PIGK: variants seen among roughly 807,000 people sequenced by gnomAD.
The protein encoded by PIGK is GPI-anchor transamidase.
In PIGK, 42 loss-of-function variants were observed where a neutral mutation model predicts 50.6. The ratio of observed to expected loss-of-function variants is 0.83; its 90% CI spans 0.65 to 1.07. The LOEUF is 1.07. PIGK is among the 50% of genes least tolerant of loss of function. The pLI is 0.00. For synonymous variants in PIGK, 151 were observed against 156.0 expected, an observed-to-expected ratio of 0.97 and a Z score of 0.24; for missense variants, 448 against 488.7, an observed-to-expected ratio of 0.92 and a Z score of 0.78.
intron 9 of PIGK, among the ~76,000 whole-genome samples, chr1:77,149,959 C>T (rs1034066867): frequency 6.7e-6 from 1 of 150,086 alleles, no homozygotes; most frequent in Non-Finnish European, 1.5e-5. Context: ...GAAAACTATA[C>T]AAATACATGG....
chr1:77,181,498 T>C (rs1359383058), intron 3 of PIGK, among the ~76,000 whole-genome samples: 1 of 152,166 alleles, frequency 6.6e-6, no homozygotes, highest in Non-Finnish European at 1.5e-5. Flanking sequence ...AAAAATGTTA[T>C]ATATAATAAT....
intron 6 of PIGK, 77 bp from the exon 7 acceptor site, chr1:77,161,788 A>G: frequency 1.4e-6 from 1 of 732,626 alleles, no homozygotes; most frequent in Non-Finnish European, 2.5e-6. Flanking sequence ...ATACTTTTGT[A>G]AGATGTTTAA....
intron 9 of PIGK, among the ~76,000 whole-genome samples, chr1:77,130,183 C>T (rs1414975873): frequency 2.3e-5 from 3 of 128,482 alleles, no homozygotes; most frequent in Admixed American, 8.0e-5. Context: ...ACTTTGTTTG[C>T]ATTGTCTTTT....
In PIGK at chr1:77,219,324, C is replaced by A. The variant is rs149699790; in HGVS notation, c.79G>T (p.Ala27Ser). The change falls in exon 1 of 11, where the codon GCT becomes TCT. Residue 27 changes from alanine (A) to serine (S), a missense_variant. By Grantham distance (99) the Ala-to-Ser change is moderately conservative. Coordinates refer to ENST00000370812, the MANE Select transcript of PIGK (RefSeq NM_005482.3). ...VLLLSFGSVA[A>S]SHIEDQAEQF... ...CTGACTCCTACCTCGATATGACTAG[C>A]GGCCACGCTGCCGAAGGACAAGAGC... 6.2e-7 allele frequency: 1 copy of A among 1,613,434 alleles called. No homozygotes were observed. The highest frequency in any genetic ancestry group is 8.5e-7 in the Non-Finnish European group (1 of 1,179,558).
chr1:77,193,344 T>C (rs1655956453), intron 3 of PIGK, among the ~76,000 whole-genome samples: 1 of 151,412 alleles, frequency 6.6e-6, no homozygotes, highest in Non-Finnish European at 1.5e-5. Context: ...AGAATTACAA[T>C]GGCTGAGCAG....
chr1:77,177,222 C>T (rs1286907884), intron 3 of PIGK, among the ~76,000 whole-genome samples: 1 of 152,160 alleles, frequency 6.6e-6, no homozygotes, highest in Non-Finnish European at 1.5e-5. Context: ...ACAGTCAACC[C>T]CTTCTGTTGG....
At chr1:77,194,187 C>T (rs1655976736) in intron 3 of PIGK, among the ~76,000 whole-genome samples, 1 of 152,112 alleles carries the variant, frequency 6.6e-6, no homozygotes, top group African/African-American at 2.4e-5. Flanking sequence ...ATAACATATG[C>T]TGGCAAAGTT....
intron 3 of PIGK, among the ~76,000 whole-genome samples, chr1:77,181,797 C>G (rs1009313748): frequency 8.5e-5 from 13 of 152,184 alleles, no homozygotes; most frequent in Non-Finnish European, 1.6e-4. Flanking sequence ...GCAAATTCAA[C>G]AAGTCAAGCT....
intron 1 of PIGK, among the ~76,000 whole-genome samples, chr1:77,212,954 T>C (rs1656453810): frequency 6.6e-6 from 1 of 152,180 alleles, no homozygotes; most frequent in Non-Finnish European, 1.5e-5. Flanking sequence ...AGATGGAGTC[T>C]CATTCTGTCA....
chr1:77,151,718 G>C (rs1051803053), intron 9 of PIGK, among the ~76,000 whole-genome samples: 1 of 151,904 alleles, frequency 6.6e-6, no homozygotes, highest in Non-Finnish European at 1.5e-5. Flanking sequence ...TCTGAAAAAG[G>C]CATCAAGAAA....
chr1:77,126,056 C>T (rs1460539828), intron 9 of PIGK, among the ~76,000 whole-genome samples: 1 of 152,062 alleles, frequency 6.6e-6, no homozygotes, highest in Non-Finnish European at 1.5e-5. Context: ...TTTCACATAT[C>T]TTCCTGTTTG....
intron 3 of PIGK, among the ~76,000 whole-genome samples, chr1:77,172,993 G>A (rs1258366504): frequency 1.3e-5 from 2 of 152,000 alleles, no homozygotes; most frequent in Non-Finnish European, 2.9e-5. Flanking sequence ...CATTTTTCTC[G>A]TGCACTTAGG....
intron 10 of PIGK, among the ~76,000 whole-genome samples, chr1:77,109,019 T>TA (rs1462208201): frequency 6.6e-6 from 1 of 152,102 alleles, no homozygotes; most frequent in East Asian, 1.9e-4. Context: ...AAGAAATGGA[T>TA]AAATTCCTCA....
At chr1:77,155,599 A>AT (rs35303091) in intron 8 of PIGK, among the ~76,000 whole-genome samples, 55,478 of 149,754 alleles carry the variant, frequency 0.37, 10,762 homozygotes, top group African/African-American at 0.5. Flanking sequence ...AATTCAAGCC[A>AT]TTTTTTTTTT....
chr1:77,133,030 AC>A (rs2100536811), intron 9 of PIGK, among the ~76,000 whole-genome samples: 1 of 152,262 alleles, frequency 6.6e-6, no homozygotes, highest in East Asian at 1.9e-4. Flanking sequence ...CAATGAATTA[AC>A]TGAATATGTG....
chr1:77,214,186 C>G (rs1178641182), intron 1 of PIGK, among the ~76,000 whole-genome samples: 1 of 152,094 alleles, frequency 6.6e-6, no homozygotes, highest in African/African-American at 2.4e-5. Flanking sequence ...ATGAGGCCAG[C>G]ATTACCCTGA....
At chr1:77,092,964 C>T (rs758738007) in intron 10 of PIGK, among the ~76,000 whole-genome samples, 43 of 152,050 alleles carry the variant, frequency 2.8e-4, no homozygotes, top group Admixed American at 9.8e-4. Flanking sequence ...GAAGAACAAA[C>T]GCTACCCAAT....
At chr1:77,194,725 C>A in intron 3 of PIGK, 1 of 313,394 alleles carries the variant, frequency 3.2e-6, no homozygotes, top group South Asian at 2.8e-5. Context: ...ATTTGTACAC[C>A]AAACCCTGTG....
In PIGK at chr1:77,091,142, G is replaced by GA. The variant is rs1311108708; in HGVS notation, c.*1231dup. 6.6e-6 allele frequency: 1 copy of GA among 152,056 alleles called. No individual in the cohort carries two copies. Among genetic ancestry groups the GA allele is most frequent in the Non-Finnish European group, 1.5e-5 (1 of 67,966 alleles). 9.4% of individuals were successfully genotyped at this position (152,056 alleles called of 1,614,324 possible). A position where few individuals can be genotyped will look rare whatever the true frequency, so the allele number is the denominator to read the frequency against. On this transcript the variant is annotated 3_prime_UTR_variant, in exon 11 of 11. Coordinates refer to ENST00000370812, the MANE Select transcript of PIGK (RefSeq NM_005482.3). ...ATAAATTCTTGCATAAAACAGATAA[G>GA]ACACCTGAAGGTATCCCCCCAGACA...
Sources: gnomAD v4.1 joint callset for allele counts (sites outside exome capture counted in the v4.1 genomes callset) on GRCh38, gnomAD v4.1.1 for gene constraint, MANE v1.5 for transcripts, NCBI Gene and HGNC (gene_info 2026-07-23, HGNC 2026-07-21) for gene names.